The following CSMD3 variants were observed in gnomAD, a reference collection of about 807,000 sequenced individuals.
CSMD3 encodes the protein CUB and sushi domain-containing protein 3.
Under a neutral mutation model 435.2 loss-of-function variants are expected in CSMD3, and 177 were observed. The observed-to-expected ratio is 0.41, with a 90% CI of 0.36 to 0.46. CSMD3 has a LOEUF of 0.46. Ranked by LOEUF, CSMD3 falls within the 20% of genes least tolerant of loss-of-function variation. The pLI is 0.34. For synonymous variants in CSMD3, 1,656 were observed against 1,520.5 expected (o/e 1.09, Z -2.07); for missense variants, 4,265 against 4,504.6 (o/e 0.95, Z 1.52).
At chr8:112,838,364 C>T (rs2080088126) in intron 11 of CSMD3, among the ~76,000 whole-genome samples, 1 of 151,648 alleles carries the variant, frequency 6.6e-6, no homozygotes, top group Non-Finnish European at 1.5e-5. Flanking sequence ...CAGCATATTA[C>T]GATTTTGAAC....
intron 27 of CSMD3, among the ~76,000 whole-genome samples, chr8:112,544,359 C>G (rs1826961208): frequency 6.6e-6 from 1 of 152,150 alleles, no homozygotes; most frequent in South Asian, 2.1e-4. Context: ...ATTATTATGG[C>G]TTCAAATAAC....
chr8:112,235,789 G>A (rs890117361), intron 67 of CSMD3, among the ~76,000 whole-genome samples: 11 of 152,030 alleles, frequency 7.2e-5, no homozygotes, highest in Non-Finnish European at 1.0e-4. Context: ...AAAAGTAATC[G>A]ATAATATTGC....
At chr8:113,180,153 G>A (rs576320961) in intron 3 of CSMD3, among the ~76,000 whole-genome samples, 31 of 151,972 alleles carry the variant, frequency 2.0e-4, no homozygotes, top group African/African-American at 6.7e-4. Context: ...ATTAATCTCA[G>A]GGTTTATTTC....
intron 36 of CSMD3, among the ~76,000 whole-genome samples, chr8:112,385,739 T>A (rs1437109192): frequency 6.6e-6 from 1 of 152,000 alleles, no homozygotes; most frequent in Non-Finnish European, 1.5e-5. Context: ...AAAGGAAAAA[T>A]TTGAGAATAA....
chr8:113,427,985 C>T (rs1332687668), intron 1 of CSMD3, among the ~76,000 whole-genome samples: 1 of 151,668 alleles, frequency 6.6e-6, no homozygotes, highest in Non-Finnish European at 1.5e-5. Flanking sequence ...ATGTTTACCT[C>T]TGTTTTATCT....
chr8:112,300,269 TAA>T (rs1161321485), intron 53 of CSMD3, among the ~76,000 whole-genome samples: 1 of 142,464 alleles, frequency 7.0e-6, no homozygotes, highest in Non-Finnish European at 1.5e-5. Context: ...TGAGTATGTA[TAA>T]ATATATATTT....
chr8:113,193,121 A>G (rs2092608674), intron 3 of CSMD3, among the ~76,000 whole-genome samples: 1 of 151,272 alleles, frequency 6.6e-6, no homozygotes, highest in African/African-American at 2.4e-5. Flanking sequence ...TTAAGTAGTG[A>G]AAAATGTGTG....
intron 32 of CSMD3, among the ~76,000 whole-genome samples, chr8:112,430,996 G>A (rs1428297633): frequency 6.6e-6 from 1 of 151,872 alleles, no homozygotes; most frequent in Non-Finnish European, 1.5e-5. Flanking sequence ...TTAATGCTCT[G>A]ACTAGTTGTG....
intron 9 of CSMD3, among the ~76,000 whole-genome samples, chr8:112,923,090 C>T (rs2130644425): frequency 6.6e-6 from 1 of 152,244 alleles, no homozygotes; most frequent in Middle Eastern, 3.4e-3. Context: ...CAGAATCTAA[C>T]ATTTTTCAGC....
At chr8:112,574,604 A>G (rs1446973922) in intron 23 of CSMD3, among the ~76,000 whole-genome samples, 1 of 152,012 alleles carries the variant, frequency 6.6e-6, no homozygotes, top group East Asian at 1.9e-4. Flanking sequence ...GCATATTACC[A>G]TTCCTTTTCC....
intron 41 of CSMD3, among the ~76,000 whole-genome samples, chr8:112,345,295 T>A (rs953846224): frequency 3.9e-5 from 6 of 152,308 alleles, no homozygotes; most frequent in African/African-American, 1.4e-4. Flanking sequence ...AATCTTGTAT[T>A]TCTGCAGCAT....
At chr8:113,197,339 T>G (rs1295980577) in intron 3 of CSMD3, among the ~76,000 whole-genome samples, 1 of 151,030 alleles carries the variant, frequency 6.6e-6, no homozygotes, top group East Asian at 1.9e-4. Context: ...AATTTCATGT[T>G]TAGACTTGGG....
intron 22 of CSMD3, among the ~76,000 whole-genome samples, chr8:112,623,519 A>AT (rs142291328): frequency 2.4e-4 from 37 of 151,840 alleles, no homozygotes; most frequent in African/African-American, 6.0e-4. Flanking sequence ...TATTTTATTC[A>AT]TTTTTTTTAT....
intron 25 of CSMD3, among the ~76,000 whole-genome samples, chr8:112,555,939 T>G (rs866420963): frequency 6.6e-6 from 1 of 152,002 alleles, no homozygotes; most frequent in Non-Finnish European, 1.5e-5. Context: ...CATATAGGCC[T>G]GACACAGAAT....
At chr8:112,689,726 A>C (rs1586975662) in intron 14 of CSMD3, 142 bp downstream of exon 14, 1 of 673,476 alleles carries the variant, frequency 1.5e-6, no homozygotes, top group Admixed American at 2.8e-5. Flanking sequence ...GCATAAGCAC[A>C]CTTGTTAAAG....
chr8:112,925,354 C>A (rs1033365876), intron 9 of CSMD3, among the ~76,000 whole-genome samples: 1 of 151,770 alleles, frequency 6.6e-6, no homozygotes, highest in Non-Finnish European at 1.5e-5. Context: ...GTCAGGAGAT[C>A]GAGACCATCC....
chr8:112,284,705 T>C (rs1432476597), intron 58 of CSMD3, among the ~76,000 whole-genome samples: 2 of 151,914 alleles, frequency 1.3e-5, no homozygotes, highest in East Asian at 3.8e-4. Flanking sequence ...GTGTTCTCTT[T>C]AATATTTCTA....
chr8:113,421,255 C>T (rs1002528652), intron 1 of CSMD3, among the ~76,000 whole-genome samples: 1 of 152,064 alleles, frequency 6.6e-6, no homozygotes, highest in Non-Finnish European at 1.5e-5. Context: ...GGGTTTGTCC[C>T]AAGATAATTG....
chr8:112,747,702 G>A (rs919600213), intron 13 of CSMD3, among the ~76,000 whole-genome samples: 57 of 152,128 alleles, frequency 3.7e-4, no homozygotes, highest in Admixed American at 3.1e-3. Flanking sequence ...GCGGCCGGGC[G>A]CGGTGGCTCA....
Sources: allele counts gnomAD v4.1 joint callset (sites outside exome capture counted in the v4.1 genomes callset), GRCh38; gene constraint gnomAD v4.1.1; transcripts MANE v1.5; gene names NCBI Gene and HGNC (gene_info 2026-07-23, HGNC 2026-07-21).